Variants in RBFOX1 observed in about 807,000 individuals in gnomAD.
RBFOX1 encodes the protein RNA binding protein fox-1 homolog 1.
In RBFOX1, 8 loss-of-function variants were observed where a neutral mutation model predicts 57.7. The observed-to-expected ratio is 0.14, with a 90% CI of 0.08 to 0.25. The LOEUF (loss-of-function observed/expected upper bound fraction) is 0.25. RBFOX1 is among the 10% of genes least tolerant of loss of function. RBFOX1 has a pLI of 1.00. For synonymous variants in RBFOX1, 326 were observed against 222.4 expected (o/e 1.47, Z -4.15); for missense variants, 611 against 548.5 (o/e 1.11, Z -1.14).
chr16:6,613,097 G>C (rs554154552), intron 2 of RBFOX1, among the ~76,000 whole-genome samples: 54 of 151,762 alleles, frequency 3.6e-4, no homozygotes, highest in African/African-American at 1.2e-3. Flanking sequence ...TACAGGAACT[G>C]TCAGGCCTGA....
intron 3 of RBFOX1, among the ~76,000 whole-genome samples, chr16:5,718,503 C>G (rs1006330707): frequency 6.6e-5 from 10 of 152,332 alleles, no homozygotes; most frequent in African/African-American, 2.4e-4. Context: ...GAAGGCTGGG[C>G]TATTGTGAAA....
At chr16:6,557,122 C>CAT (rs2097114278) in intron 2 of RBFOX1, among the ~76,000 whole-genome samples, 1 of 139,392 alleles carries the variant, frequency 7.2e-6, no homozygotes, top group Non-Finnish European at 1.6e-5. Flanking sequence ...TACATATATA[C>CAT]ATACATATAC....
chr16:6,141,296 G>T (rs1034170658), intron 1 of RBFOX1, among the ~76,000 whole-genome samples: 2 of 152,136 alleles, frequency 1.3e-5, no homozygotes, highest in South Asian at 2.1e-4. Context: ...AAAAATGAGG[G>T]TTGTTCTTTT....
chr16:6,042,095 T>C (rs1294468747), intron 1 of RBFOX1, among the ~76,000 whole-genome samples: 1 of 145,774 alleles, frequency 6.9e-6, no homozygotes, highest in Non-Finnish European at 1.5e-5. Flanking sequence ...TCCTGGACTC[T>C]CTCCTACTTT....
At chr16:7,489,032 T>A (rs2066206536) in intron 4 of RBFOX1, among the ~76,000 whole-genome samples, 2 of 152,202 alleles carry the variant, frequency 1.3e-5, no homozygotes, top group African/African-American at 4.8e-5. Flanking sequence ...TGCATCTATC[T>A]CTATCTTTAT....
chr16:6,375,487 C>T (rs1366013976), intron 2 of RBFOX1, among the ~76,000 whole-genome samples: 5 of 151,762 alleles, frequency 3.3e-5, no homozygotes, highest in African/African-American at 7.3e-5. Flanking sequence ...CATTTTTAGG[C>T]AGATGATCGT....
chr16:6,881,730 C>A (rs1175014073), intron 3 of RBFOX1, among the ~76,000 whole-genome samples: 1 of 152,108 alleles, frequency 6.6e-6, no homozygotes, highest in African/African-American at 2.4e-5. Context: ...TTTAACACAT[C>A]ACACTGGGTG....
chr16:7,582,326 G>T (rs2093835546), intron 6 of RBFOX1, among the ~76,000 whole-genome samples: 1 of 152,078 alleles, frequency 6.6e-6, no homozygotes, highest in South Asian at 2.1e-4. Context: ...TAGCATCTGT[G>T]TCCCTTTTTT....
chr16:7,695,037 C>A lies in RBFOX1; in HGVS notation c.996-14019C>A, dbSNP rs578021507. Among the ~76,000 whole-genome samples the A allele has an allele frequency of 2.0e-5, 3 of 152,124 alleles. No individual in the cohort carries two copies. In the East Asian group the frequency reaches 5.8e-4, roughly 29 times the overall value. Reference sequence around the variant, plus strand: ...CCACACACAATATTTCTAAGAAAGGCGACAGAAAATGAAAGTTTGCATGCG... The same window carrying A: ...CCACACACAATATTTCTAAGAAAGGAGACAGAAAATGAAAGTTTGCATGCG... On this transcript the variant is annotated intron_variant, in intron 14 of 15. Transcript: ENST00000550418.
chr16:7,494,650 A>G (rs1482441089), intron 4 of RBFOX1, among the ~76,000 whole-genome samples: 1 of 152,120 alleles, frequency 6.6e-6, no homozygotes, highest in Non-Finnish European at 1.5e-5. Flanking sequence ...TATGACAGAG[A>G]GGAGCCAACA....
rs115964664 is a variant in RBFOX1 at position 6,732,330 on chromosome 16, T to G, written c.-16+77680T>G. On this transcript the variant is annotated intron_variant, in intron 3 of 15. Coordinates refer to ENST00000550418, the MANE Select transcript of RBFOX1 (RefSeq NM_018723.4). Reference sequence around the variant, plus strand: ...TCTCGGCCCCAGGCTCCTGTTCAGATTCTCACGAGAGAGTGAGTCTCTGAC... The same window carrying G: ...TCTCGGCCCCAGGCTCCTGTTCAGAGTCTCACGAGAGAGTGAGTCTCTGAC... 6.9e-3 allele frequency among the ~76,000 whole-genome samples: 1,046 copies of G among 152,324 alleles called. 19 individuals carry two copies. Among genetic ancestry groups the G allele is most frequent in the African/African-American group, 0.024 (995 of 41,568 alleles).
intron 3 of RBFOX1, among the ~76,000 whole-genome samples, chr16:5,829,001 C>T (rs957257131): frequency 1.3e-5 from 2 of 152,128 alleles, no homozygotes; most frequent in African/African-American, 4.8e-5. Context: ...AAGTGTATTG[C>T]TAGGGCTGCA....
intron 4 of RBFOX1, among the ~76,000 whole-genome samples, chr16:7,483,414 GTAA>G (rs1293251953): frequency 2.0e-5 from 3 of 152,182 alleles, no homozygotes; most frequent in Admixed American, 2.0e-4. Context: ...GTGAAAGATG[GTAA>G]TAATGTGTGT....
intron 3 of RBFOX1, among the ~76,000 whole-genome samples, chr16:6,971,053 G>C (rs1431049797): frequency 6.6e-6 from 1 of 152,138 alleles, no homozygotes; most frequent in Admixed American, 6.6e-5. Flanking sequence ...ATCTGTCCAA[G>C]ACATAATGAT....
At chr16:7,168,655 C>G (rs1601701624) in intron 4 of RBFOX1, among the ~76,000 whole-genome samples, 3 of 152,268 alleles carry the variant, frequency 2.0e-5, no homozygotes, top group Admixed American at 2.0e-4. Flanking sequence ...ACTGAGAAGC[C>G]TCCACCACTT....
chr16:6,062,492 G>A (rs1345060854), intron 1 of RBFOX1, among the ~76,000 whole-genome samples: 1 of 151,600 alleles, frequency 6.6e-6, no homozygotes, highest in Non-Finnish European at 1.5e-5. Context: ...CAAGAACCAG[G>A]TTCAGCAACC....
chr16:7,294,448 G>C (rs548380253), intron 4 of RBFOX1, among the ~76,000 whole-genome samples: 3 of 151,596 alleles, frequency 2.0e-5, no homozygotes, highest in Non-Finnish European at 2.9e-5. Context: ...ACATATGTCA[G>C]TTGGCTGCTC....
At chr16:6,112,502 C>G (rs1284006264) in intron 1 of RBFOX1, among the ~76,000 whole-genome samples, 1 of 152,046 alleles carries the variant, frequency 6.6e-6, no homozygotes, top group Non-Finnish European at 1.5e-5. Context: ...ACCAGCCTGG[C>G]CAACATGGAG....
intron 2 of RBFOX1, among the ~76,000 whole-genome samples, chr16:6,579,147 G>A (rs2097494110): frequency 6.6e-6 from 1 of 152,122 alleles, no homozygotes; most frequent in South Asian, 2.1e-4. Context: ...AAATTTTAAT[G>A]TTTTATGCCA....
Sources: allele counts gnomAD v4.1 joint callset (sites outside exome capture counted in the v4.1 genomes callset), GRCh38; gene constraint gnomAD v4.1.1; transcripts MANE v1.5; gene names NCBI Gene and HGNC (gene_info 2026-07-23, HGNC 2026-07-21).